NALCN: variants seen among roughly 807,000 people sequenced by gnomAD.
NALCN encodes the protein sodium leak channel NALCN.
A neutral mutation model predicts 225.3 loss-of-function variants in NALCN; 111 were observed. The observed-to-expected ratio is 0.49, with a 90% CI of 0.42 to 0.58. The LOEUF (loss-of-function observed/expected upper bound fraction) is 0.58, where lower values mean the gene tolerates loss of function less well. Ranked by LOEUF, NALCN falls within the 20% of genes least tolerant of loss-of-function variation. The pLI is 0.00. For synonymous variants in NALCN, 764 were observed against 769.0 expected, an observed-to-expected ratio of 0.99 and a Z score of 0.11; for missense variants, 1,378 against 2,202.4, an observed-to-expected ratio of 0.63 and a Z score of 7.49.
chr13:101,109,387 G>A (rs992099771), intron 20 of NALCN, among the ~76,000 whole-genome samples: 9 of 152,090 alleles, frequency 5.9e-5, no homozygotes, highest in African/African-American at 1.4e-4. Context: ...CCAACTTCTC[G>A]CTCTTGATTT....
intron 7 of NALCN, among the ~76,000 whole-genome samples, chr13:101,329,031 C>T (rs1325065850): frequency 1.3e-5 from 2 of 152,164 alleles, no homozygotes; most frequent in Non-Finnish European, 2.9e-5. Flanking sequence ...ACATGTCACA[C>T]CTGGGGTTGA....
chr13:101,305,047 A>G lies in NALCN; in HGVS notation c.800-12681T>C, dbSNP rs572017226. On this transcript the variant is annotated intron_variant, in intron 7 of 43. Coordinates refer to ENST00000251127, the MANE Select transcript of NALCN (RefSeq NM_052867.4). ...TGGGATTACAGGCATGAGCCACCGC[A>G]CCCGGCCTGGCCTGGAATAATTTTT... Among the ~76,000 whole-genome samples the G allele has an allele frequency of 1.1e-4, 16 of 151,734 alleles. No homozygotes were observed. The East Asian group carries it at 2.9e-3, about 28-fold the overall frequency.
rs201185003 is a variant in NALCN at position 101,111,231 on chromosome 13, G to A, written c.2193-5C>T. 1.1e-4 allele frequency: 177 copies of A among 1,552,842 alleles called. No individual in the cohort carries two copies. Among genetic ancestry groups the A allele is most frequent in the Non-Finnish European group, 1.5e-4 (169 of 1,143,792 alleles). Reference sequence around the variant, plus strand: ...ATGCGCTGTCGGGTGCAAGCTCTAGGAAAAAAAAAGGAGCCCAAGATAAAT... The same window carrying A: ...ATGCGCTGTCGGGTGCAAGCTCTAGAAAAAAAAAAGGAGCCCAAGATAAAT... On this transcript the variant is annotated splice_region_variant and splice_polypyrimidine_tract_variant and intron_variant, in intron 18 of 43. Coordinates refer to ENST00000251127, the MANE Select transcript of NALCN (RefSeq NM_052867.4).
intron 10 of NALCN, among the ~76,000 whole-genome samples, chr13:101,277,006 T>C (rs2042991707): frequency 6.6e-6 from 1 of 152,074 alleles, no homozygotes; most frequent in Non-Finnish European, 1.5e-5. Flanking sequence ...ACATATGCAC[T>C]TATATATGTA....
intron 3 of NALCN, among the ~76,000 whole-genome samples, chr13:101,379,536 T>C (rs2046788238): frequency 6.6e-6 from 1 of 152,030 alleles, no homozygotes; most frequent in African/African-American, 2.4e-5. Context: ...TATGCAGCCA[T>C]AAAAAAGGAT....
At chr13:101,340,261 C>T (rs545993859) in intron 7 of NALCN, among the ~76,000 whole-genome samples, 1 of 149,804 alleles carries the variant, frequency 6.7e-6, no homozygotes, top group African/African-American at 2.4e-5. Context: ...GACCGAGACT[C>T]CATCTCAAAC....
chr13:101,152,480 C>T (rs887531583), intron 15 of NALCN, among the ~76,000 whole-genome samples: 5 of 152,084 alleles, frequency 3.3e-5, no homozygotes, highest in Non-Finnish European at 1.5e-5. Flanking sequence ...TTATCACAAC[C>T]CTTAAGATCT....
intron 3 of NALCN, among the ~76,000 whole-genome samples, chr13:101,393,049 G>A (rs1417317599): frequency 6.6e-6 from 1 of 152,204 alleles, no homozygotes; most frequent in East Asian, 1.9e-4. Flanking sequence ...GATAAGAATT[G>A]TGTATGGTAC....
At position 101,378,673 on chromosome 13, in the gene NALCN, G is replaced by A. The variant is rs1440887100; in HGVS notation, c.292-20C>T. 6.4e-7 allele frequency: 1 copy of A among 1,565,376 alleles called. No homozygotes were observed. ...ATCCCCCTAAAAATAAATTTTACAT[G>A]GCATTATTAGGCAAAGCAAATATTT... On this transcript the variant is annotated intron_variant, in intron 3 of 43. Coordinates refer to ENST00000251127, the MANE Select transcript of NALCN (RefSeq NM_052867.4).
chr13:101,314,280 G>A (rs1173586256), intron 7 of NALCN, among the ~76,000 whole-genome samples: 1 of 151,966 alleles, frequency 6.6e-6, no homozygotes, highest in African/African-American at 2.4e-5. Context: ...CCTGCACGTT[G>A]TGCACATGTA....
At chr13:101,116,179 T>C (rs1380396588) in intron 18 of NALCN, among the ~76,000 whole-genome samples, 1 of 151,946 alleles carries the variant, frequency 6.6e-6, no homozygotes, top group East Asian at 1.9e-4. Flanking sequence ...CAAACACACA[T>C]TCCCAGTTGC....
chr13:101,225,253 C>A (rs1183689312), intron 13 of NALCN, among the ~76,000 whole-genome samples: 1 of 152,214 alleles, frequency 6.6e-6, no homozygotes, highest in Admixed American at 6.5e-5. Flanking sequence ...TCTCCGCCTG[C>A]ATTATGACAA....
intron 17 of NALCN, among the ~76,000 whole-genome samples, chr13:101,127,893 TC>T (rs1163432129): frequency 6.6e-6 from 1 of 152,246 alleles, no homozygotes; most frequent in African/African-American, 2.4e-5. Context: ...CAAAGGGCAT[TC>T]CTAGACTGTG....
chr13:101,090,014 C>A (rs2034139182), intron 28 of NALCN, 48 bp from the exon 29 acceptor site: 2 of 1,611,152 alleles, frequency 1.2e-6, no homozygotes, highest in Non-Finnish European at 8.5e-7. Flanking sequence ...ATAAGCAGCA[C>A]CCGAAGGCAA....
intron 7 of NALCN, among the ~76,000 whole-genome samples, chr13:101,308,361 C>A (rs1257402172): frequency 6.6e-6 from 1 of 152,198 alleles, no homozygotes; most frequent in Non-Finnish European, 1.5e-5. Context: ...AAAACTCCTT[C>A]CCTGGACTCA....
chr13:101,192,743 A>G (rs1291684133), intron 13 of NALCN, among the ~76,000 whole-genome samples: 1 of 152,124 alleles, frequency 6.6e-6, no homozygotes, highest in Non-Finnish European at 1.5e-5. Context: ...AATCTCACAC[A>G]CTTTCTGCCA....
chr13:101,109,225 G>A (rs2035301189), intron 20 of NALCN, among the ~76,000 whole-genome samples: 1 of 152,138 alleles, frequency 6.6e-6, no homozygotes, highest in African/African-American at 2.4e-5. Flanking sequence ...AGTTGCGCAG[G>A]CCATATGTTG....
intron 11 of NALCN, among the ~76,000 whole-genome samples, chr13:101,257,283 A>T (rs1033165510): frequency 1.3e-5 from 2 of 150,082 alleles, no homozygotes; most frequent in Non-Finnish European, 1.5e-5. Context: ...TGCATCACAG[A>T]GACTGTAGCC....
At chr13:101,319,075 A>G (rs922026779) in intron 7 of NALCN, among the ~76,000 whole-genome samples, 2 of 152,214 alleles carry the variant, frequency 1.3e-5, no homozygotes, top group African/African-American at 2.4e-5. Context: ...GCTCAAATGC[A>G]TCTCAAGGGG....
Sources: allele counts gnomAD v4.1 joint callset (sites outside exome capture counted in the v4.1 genomes callset), GRCh38; gene constraint gnomAD v4.1.1; transcripts MANE v1.5; gene names NCBI Gene and HGNC (gene_info 2026-07-23, HGNC 2026-07-21).